GBE1: variants seen among roughly 807,000 people sequenced by gnomAD.
GBE1 encodes the protein 1,4-alpha-glucan branching enzyme 1.
GBE1 carries 70 observed loss-of-function variants against 88.8 expected under a neutral mutation model. The ratio of observed to expected loss-of-function variants is 0.79; its 90% confidence interval spans 0.65 to 0.96. GBE1 has a LOEUF of 0.96. GBE1 is among the 40% of genes least tolerant of loss of function. The probability of loss-of-function intolerance (pLI) is 0.00; values close to 1 mark genes in which losing one functional copy is unlikely to be tolerated. For missense variants in GBE1, 872 were observed against 871.0 expected, an observed-to-expected ratio of 1.00 and a Z score of -0.01; for synonymous variants, 284 against 300.1, an observed-to-expected ratio of 0.95 and a Z score of 0.56.
rs553464554 is a variant in GBE1, at chr3:81,569,413, T to C, written c.1618+8512A>G. 5.9e-5 allele frequency among the ~76,000 whole-genome samples: 9 copies of C among 152,356 alleles called. No individual in the cohort carries two copies. In the Middle Eastern group the frequency reaches 0.01, roughly 173 times the overall value. On this transcript the variant is annotated intron_variant, in intron 12 of 15. Transcript: ENST00000429644. ...GCCAACTAATATTTTTTGACCTTGTTGTTCTGCCATTTACATGATATGGCA... is the reference window on the plus strand; with the variant it reads ...GCCAACTAATATTTTTTGACCTTGTCGTTCTGCCATTTACATGATATGGCA...
chr3:81,520,959 C>A (rs993811382), intron 14 of GBE1, among the ~76,000 whole-genome samples: 1 of 151,352 alleles, frequency 6.6e-6, no homozygotes, highest in Non-Finnish European at 1.5e-5. Context: ...TTTATTGATA[C>A]AAATCAGTCT....
At chr3:81,629,160 C>T (rs942004485) in intron 7 of GBE1, among the ~76,000 whole-genome samples, 2 of 142,810 alleles carry the variant, frequency 1.4e-5, no homozygotes, top group African/African-American at 2.6e-5. Flanking sequence ...GTGTATCTCC[C>T]AATGCTATCC....
intron 2 of GBE1, among the ~76,000 whole-genome samples, chr3:81,702,102 AGTGTGTGT>A (rs571028865): frequency 0.05 from 5,791 of 114,828 alleles, 221 homozygotes; most frequent in Middle Eastern, 0.086. Flanking sequence ...AGAGAGAGAG[AGTGTGTGT>A]GTGTGTGTGT....
At chr3:81,520,518 T>C (rs1702858796) in intron 14 of GBE1, among the ~76,000 whole-genome samples, 1 of 151,522 alleles carries the variant, frequency 6.6e-6, no homozygotes, top group African/African-American at 2.4e-5. Context: ...GAGTATTCTT[T>C]CTGATTTAAT....
intron 12 of GBE1, among the ~76,000 whole-genome samples, chr3:81,541,352 G>A (rs1040373794): frequency 4.6e-5 from 7 of 151,376 alleles, no homozygotes; most frequent in African/African-American, 1.7e-4. Context: ...CCATAAAAAT[G>A]TGAAATTACA....
chr3:81,690,669 A>T (rs116203495), intron 2 of GBE1, among the ~76,000 whole-genome samples: 4,303 of 152,306 alleles, frequency 0.028, 221 homozygotes, highest in African/African-American at 0.094. Flanking sequence ...CGTCACCATG[A>T]AACACAAATT....
At chr3:81,619,411 T>C (rs1345719105) in intron 7 of GBE1, among the ~76,000 whole-genome samples, 1 of 152,152 alleles carries the variant, frequency 6.6e-6, no homozygotes, top group Non-Finnish European at 1.5e-5. Context: ...AAAAGAAACA[T>C]ATTTCACATA....
chr3:81,526,505 T>C (rs1045830502), intron 14 of GBE1, among the ~76,000 whole-genome samples: 1 of 152,118 alleles, frequency 6.6e-6, no homozygotes, highest in Non-Finnish European at 1.5e-5. Context: ...CTGAAGCTGA[T>C]AAGCAACTTC....
intron 2 of GBE1, among the ~76,000 whole-genome samples, chr3:81,685,746 C>G (rs1705428167): frequency 1.3e-5 from 2 of 152,124 alleles, no homozygotes; most frequent in South Asian, 2.1e-4. Context: ...TTCAAACATG[C>G]CCTCAAGCTC....
At chr3:81,613,106 C>T in intron 7 of GBE1, 3 of 533,206 alleles carry the variant, frequency 5.6e-6, no homozygotes, top group Non-Finnish European at 5.9e-6. Flanking sequence ...TCCGACCTTC[C>T]TTTTTTAAAA....
At chr3:81,618,175 T>G (rs895727884) in intron 7 of GBE1, among the ~76,000 whole-genome samples, 6 of 152,080 alleles carry the variant, frequency 3.9e-5, no homozygotes, top group Admixed American at 3.3e-4. Context: ...GGCAACAAAT[T>G]ATCTTAGTTT....
At chr3:81,684,071 G>A (rs57015943) in intron 2 of GBE1, among the ~76,000 whole-genome samples, 3 of 152,242 alleles carry the variant, frequency 2.0e-5, no homozygotes, top group African/African-American at 4.8e-5. Flanking sequence ...CATCTAATTC[G>A]ATTACCTCAA....
At position 81,581,153 on chromosome 3, in the gene GBE1, A is replaced by G. The variant is rs376349335; in HGVS notation, c.1446+12T>C. ...GAGAGAAATAAATGAATTTATGCAC[A>G]TATTCATTTACCTGATCATGGCTCT... is the stretch of plus-strand genomic sequence containing the variant. On this transcript the variant is annotated intron_variant, in intron 11 of 15. Transcript: ENST00000429644. 5 of 1,498,604 alleles carry G rather than the reference A, an allele frequency of 3.3e-6. No individual in the cohort carries two copies. In the African/African-American group the frequency reaches 5.5e-5, roughly 17 times the overall value. 92.8% of individuals were successfully genotyped at this position (1,498,604 alleles called of 1,614,324 possible).
chr3:81,502,726 CCTCA>C (rs1249267640), intron 14 of GBE1, among the ~76,000 whole-genome samples: 2 of 151,532 alleles, frequency 1.3e-5, no homozygotes, highest in East Asian at 1.9e-4. Flanking sequence ...TTGGGTACTC[CCTCA>C]CTCTCTCTCA....
At chr3:81,496,517 T>C (rs1048896871) in intron 15 of GBE1, among the ~76,000 whole-genome samples, 1 of 152,190 alleles carries the variant, frequency 6.6e-6, no homozygotes, top group Non-Finnish European at 1.5e-5. Context: ...GAAGGAAAAG[T>C]TGCGTTTTGT....
chr3:81,756,979 ATC>A (rs1706612336), intron 1 of GBE1, among the ~76,000 whole-genome samples: 1 of 152,158 alleles, frequency 6.6e-6, no homozygotes, highest in Admixed American at 6.5e-5. Context: ...ACTAAGCTAA[ATC>A]TGTCACTCTT....
At chr3:81,700,032 G>C (rs1705664317) in intron 2 of GBE1, among the ~76,000 whole-genome samples, 1 of 152,154 alleles carries the variant, frequency 6.6e-6, no homozygotes, top group Non-Finnish European at 1.5e-5. Context: ...TCTCTCATGT[G>C]ATCAGTGGCT....
intron 12 of GBE1, among the ~76,000 whole-genome samples, chr3:81,573,771 C>CTG (rs754379178): frequency 4.0e-4 from 36 of 88,944 alleles, no homozygotes; most frequent in African/African-American, 2.0e-3. Context: ...CTCTCTCTCT[C>CTG]TCTCTGTGTG....
At chr3:81,735,885 T>C (rs1363976916) in intron 1 of GBE1, among the ~76,000 whole-genome samples, 1 of 152,112 alleles carries the variant, frequency 6.6e-6, no homozygotes, top group Non-Finnish European at 1.5e-5. Context: ...AAAAATATGT[T>C]AAATGGCCAA....
Sources: allele counts gnomAD v4.1 joint callset (sites outside exome capture counted in the v4.1 genomes callset), GRCh38; gene constraint gnomAD v4.1.1; transcripts MANE v1.5; gene names NCBI Gene and HGNC (gene_info 2026-07-23, HGNC 2026-07-21).